Variants in CTNNA3 observed in about 807,000 individuals in gnomAD.
CTNNA3 encodes the protein catenin alpha 3.
A neutral mutation model predicts 95.7 loss-of-function variants in CTNNA3; 76 were observed. The observed-to-expected ratio is 0.79, with a 90% confidence interval of 0.66 to 0.96. The LOEUF (loss-of-function observed/expected upper bound fraction) is 0.96, where lower values mean the gene tolerates loss of function less well. Ranked by LOEUF, CTNNA3 falls within the 40% of genes least tolerant of loss-of-function variation. The pLI is 0.00. For synonymous variants in CTNNA3, 431 were observed against 374.4 expected, an observed-to-expected ratio of 1.15 and a Z score of -1.74; for missense variants, 1,191 against 1,089.8, an observed-to-expected ratio of 1.09 and a Z score of -1.31.
chr10:66,069,414 T>C lies in CTNNA3; in HGVS notation c.2053A>G (p.Ser685Gly), dbSNP rs199697536. The change falls in exon 15 of 18, where the codon AGT becomes GGT. Residue 685 changes from serine (S) to glycine (G), a missense_variant. By Grantham distance (56) the Ser-to-Gly change is moderately conservative. Coordinates refer to ENST00000433211, the MANE Select transcript of CTNNA3 (RefSeq NM_013266.4). ...ATCTCAATCTCAGCATCCAGCTTAC[T>C]CTTTACTTTCTTGAAATCAGCAACT... ...EQVADFKKVK[S>G]KLDAEIEIWD... 5 of 1,613,720 alleles carry C rather than the reference T, an allele frequency of 3.1e-6. No homozygotes were observed. The Admixed American group carries it at 8.3e-5, about 27-fold the overall frequency.
At chr10:67,200,337 G>T (rs943465707) in intron 6 of CTNNA3, among the ~76,000 whole-genome samples, 6 of 152,072 alleles carry the variant, frequency 3.9e-5, no homozygotes, top group African/African-American at 7.2e-5. Flanking sequence ...TCTTACTATT[G>T]ATAAAAAGAG....
At chr10:66,478,959 T>C (rs1429723022) in intron 11 of CTNNA3, among the ~76,000 whole-genome samples, 1 of 151,918 alleles carries the variant, frequency 6.6e-6, no homozygotes, top group Admixed American at 6.6e-5. Context: ...AATTCTTATG[T>C]CTGGTTAAGA....
intron 11 of CTNNA3, among the ~76,000 whole-genome samples, chr10:66,464,186 T>A (rs1470757046): frequency 6.6e-6 from 1 of 152,162 alleles, no homozygotes; most frequent in South Asian, 2.1e-4. Context: ...CCAATGAACA[T>A]GTATTATTTT....
chr10:67,505,178 A>G (rs977067159), intron 5 of CTNNA3, among the ~76,000 whole-genome samples: 2 of 152,226 alleles, frequency 1.3e-5, no homozygotes, highest in Admixed American at 1.3e-4. Flanking sequence ...TCCTACAAAC[A>G]TGAGCATTTA....
At chr10:67,669,440 A>C (rs1840391525) in intron 1 of CTNNA3, among the ~76,000 whole-genome samples, 1 of 152,216 alleles carries the variant, frequency 6.6e-6, no homozygotes, top group Non-Finnish European at 1.5e-5. Flanking sequence ...ATTACAAAAC[A>C]AGTACAGTGA....
At chr10:65,969,524 G>T (rs983680233) in intron 16 of CTNNA3, among the ~76,000 whole-genome samples, 2 of 152,026 alleles carry the variant, frequency 1.3e-5, no homozygotes, top group Non-Finnish European at 2.9e-5. Flanking sequence ...TTAACACAAA[G>T]AAACTTTTTA....
intron 17 of CTNNA3, among the ~76,000 whole-genome samples, chr10:65,923,832 C>A (rs1156702906): frequency 6.6e-6 from 1 of 152,028 alleles, no homozygotes; most frequent in East Asian, 1.9e-4. Context: ...ACAGAAAGGG[C>A]CATACATAAA....
intron 7 of CTNNA3, among the ~76,000 whole-genome samples, chr10:67,078,645 T>C (rs1267076004): frequency 6.6e-6 from 1 of 152,010 alleles, no homozygotes; most frequent in Non-Finnish European, 1.5e-5. Flanking sequence ...GCCTCCCAAG[T>C]AGCTGGGATT....
intron 11 of CTNNA3, among the ~76,000 whole-genome samples, chr10:66,520,271 A>AGAT (rs1411194670): frequency 1.7e-5 from 1 of 58,022 alleles, no homozygotes; most frequent in Non-Finnish European, 3.7e-5. Flanking sequence ...TTTTTTTTTG[A>AGAT]GATAGAGTCT....
intron 1 of CTNNA3, among the ~76,000 whole-genome samples, chr10:67,723,261 A>G (rs921939532): frequency 6.6e-6 from 1 of 151,092 alleles, no homozygotes; most frequent in Non-Finnish European, 1.5e-5. Flanking sequence ...TGCTGGGATT[A>G]TAGGCATGAG....
chr10:65,939,798 A>G (rs1020666200), intron 17 of CTNNA3, among the ~76,000 whole-genome samples: 1 of 152,172 alleles, frequency 6.6e-6, no homozygotes, highest in African/African-American at 2.4e-5. Flanking sequence ...GAATTATATA[A>G]TGATAGGTTA....
chr10:67,518,339 A>G (rs573777205), intron 5 of CTNNA3, among the ~76,000 whole-genome samples: 1 of 152,180 alleles, frequency 6.6e-6, no homozygotes, highest in Non-Finnish European at 1.5e-5. Flanking sequence ...TTGACTTTAA[A>G]GAATGATTTA....
At chr10:66,087,338 G>T (rs1392565410) in intron 14 of CTNNA3, among the ~76,000 whole-genome samples, 1 of 152,012 alleles carries the variant, frequency 6.6e-6, no homozygotes, top group Non-Finnish European at 1.5e-5. Flanking sequence ...AACCCACTCC[G>T]TGTGTATGTG....
chr10:66,670,815 C>T (rs528375437), intron 9 of CTNNA3, among the ~76,000 whole-genome samples: 2 of 152,292 alleles, frequency 1.3e-5, no homozygotes, highest in East Asian at 1.9e-4. Context: ...GGTGTGCCCA[C>T]CAGATTCAAA....
chr10:65,934,254 C>G (rs2077300462), intron 17 of CTNNA3, among the ~76,000 whole-genome samples: 1 of 152,130 alleles, frequency 6.6e-6, no homozygotes, highest in Admixed American at 6.5e-5. Context: ...CAGATGAAGA[C>G]AACGTAATCA....
chr10:66,291,513 T>G (rs1442931307), intron 12 of CTNNA3, among the ~76,000 whole-genome samples: 1 of 152,130 alleles, frequency 6.6e-6, no homozygotes, highest in Non-Finnish European at 1.5e-5. Context: ...ACCAACATTG[T>G]TGCTAAAAGA....
rs1372127232 is a variant in CTNNA3 at position 66,360,735 on chromosome 10, TCTTTCTTTCTTC to T, written c.1732+18405_1732+18416del. On this transcript the variant is annotated intron_variant, in intron 12 of 17. Transcript: ENST00000433211. ...TCCTTCCTTTCTTCCTTTCTTTCTT[TCTTTCTTTCTTC>T]CTTCCTTCCTTCCTTCCTTCCTTTT... Among the ~76,000 whole-genome samples the T allele has an allele frequency of 1.9e-3, 171 of 88,262 alleles. 9 individuals are homozygous for T. The highest frequency in any genetic ancestry group is 7.8e-3 in the East Asian group (11 of 1,418). The allele number at this position is 88,262 out of a possible 152,430, so 57.9% of individuals were successfully genotyped here.
At chr10:66,798,901 T>C (rs56361289) in intron 7 of CTNNA3, among the ~76,000 whole-genome samples, 20,022 of 151,624 alleles carry the variant, frequency 0.13, 2,054 homozygotes, top group African/African-American at 0.29. Flanking sequence ...TGTCATCATC[T>C]ATAGAACTGA....
In CTNNA3 at chr10:66,556,855, G is replaced by C. The variant is rs140521280; in HGVS notation, c.1375-36082C>G. 2.6e-5 allele frequency among the ~76,000 whole-genome samples: 4 copies of C among 152,138 alleles called. No individual in the cohort carries two copies. In the East Asian group the frequency reaches 7.7e-4, roughly 29 times the overall value. ...TCTTTTATACCAAAAATTTCTGAGAGAATAGATTTCAGGTGCTCCCAGCAG... is the reference window on the plus strand; with the variant it reads ...TCTTTTATACCAAAAATTTCTGAGACAATAGATTTCAGGTGCTCCCAGCAG... On this transcript the variant is annotated intron_variant, in intron 10 of 17. Coordinates refer to ENST00000433211, the MANE Select transcript of CTNNA3 (RefSeq NM_013266.4).
Sources: gnomAD v4.1 joint callset for allele counts (sites outside exome capture counted in the v4.1 genomes callset) on GRCh38, gnomAD v4.1.1 for gene constraint, MANE v1.5 for transcripts, NCBI Gene and HGNC (gene_info 2026-07-23, HGNC 2026-07-21) for gene names.